The following GPR39 variants were observed in gnomAD, a reference collection of about 807,000 sequenced individuals.
GPR39 encodes zinc sensing receptor.
A neutral mutation model predicts 18.4 loss-of-function variants in GPR39; 23 were observed. That is an observed-to-expected ratio of 1.25 (90% confidence interval 0.90 to 1.77). The LOEUF is 1.77. GPR39 is among the 40% of genes most tolerant of loss of function. GPR39 has a pLI of 0.00. For synonymous variants in GPR39, 280 were observed against 257.9 expected (o/e 1.09, Z -0.82); for missense variants, 647 against 602.4 (o/e 1.07, Z -0.78).
intron 1 of GPR39, among the ~76,000 whole-genome samples, chr2:132,629,396 G>C (rs952939695): frequency 1.3e-5 from 2 of 152,224 alleles, no homozygotes; most frequent in Non-Finnish European, 2.9e-5. Context: ...GCATGACTGA[G>C]AACTTTCCAT....
intron 1 of GPR39, among the ~76,000 whole-genome samples, chr2:132,632,098 G>A (rs1169481484): frequency 2.0e-5 from 3 of 152,126 alleles, no homozygotes; most frequent in Non-Finnish European, 4.4e-5. Context: ...GATTATAGGT[G>A]TGAGTCACTG....
intron 1 of GPR39, among the ~76,000 whole-genome samples, chr2:132,631,578 CT>C (rs1244776251): frequency 2.0e-5 from 3 of 152,220 alleles, no homozygotes; most frequent in East Asian, 1.9e-4. Context: ...GTGCACCTCT[CT>C]TAGTATCTCT....
chr2:132,635,374 G>C (rs765699785), intron 1 of GPR39, among the ~76,000 whole-genome samples: 4 of 152,220 alleles, frequency 2.6e-5, no homozygotes, highest in Non-Finnish European at 5.9e-5. Flanking sequence ...GCAGTGTTAT[G>C]ATGATGTGAG....
intron 1 of GPR39, among the ~76,000 whole-genome samples, chr2:132,610,777 CAAAAAAAAAAAAAA>C: frequency 2.3e-5 from 2 of 88,714 alleles, no homozygotes; most frequent in South Asian, 8.3e-4. Flanking sequence ...ACTCTGTCTC[CAAAAAAAAAAAAAA>C]AAAAAAAGAA....
chr2:132,612,654 T>G (rs1457601190), intron 1 of GPR39, among the ~76,000 whole-genome samples: 1 of 152,238 alleles, frequency 6.6e-6, no homozygotes. Flanking sequence ...TGACCTTATA[T>G]GTACAGATAT....
intron 1 of GPR39, among the ~76,000 whole-genome samples, chr2:132,545,034 T>A (rs773474418): frequency 5.9e-5 from 9 of 152,236 alleles, no homozygotes; most frequent in Non-Finnish European, 1.2e-4. Flanking sequence ...AAGAGGTTCT[T>A]AATCAGGTCT....
chr2:132,565,220 C>T (rs1350683338), intron 1 of GPR39, among the ~76,000 whole-genome samples: 1 of 151,874 alleles, frequency 6.6e-6, no homozygotes, highest in East Asian at 1.9e-4. Context: ...CTATGTGATT[C>T]CAGTATTTAG....
intron 1 of GPR39, among the ~76,000 whole-genome samples, chr2:132,465,243 A>T (rs976452585): frequency 6.6e-6 from 1 of 152,040 alleles, no homozygotes; most frequent in Admixed American, 6.6e-5. Context: ...AGTCGCCTGG[A>T]CAAATCTGTA....
At chr2:132,521,741 A>G in intron 1 of GPR39, among the ~76,000 whole-genome samples, 1 of 152,094 alleles carries the variant, frequency 6.6e-6, no homozygotes, top group Admixed American at 6.5e-5. Context: ...ATGACACTGG[A>G]TACTGATTAG....
rs149266904 is a variant in GPR39 at position 132,592,142 on chromosome 2, G to T, written c.857-52959G>T. Among the ~76,000 whole-genome samples the T allele has an allele frequency of 5.1e-3, 775 of 152,308 alleles. 4 individuals are homozygous for T. The highest frequency in any genetic ancestry group is 0.017 in the African/African-American group (715 of 41,562). On this transcript the variant is annotated intron_variant, in intron 1 of 1. Transcript: ENST00000329321. ...AATCCCTGTCATCATGGAGTTTATTGTCAGTTGGTGGAGGAAGGATAAGAA... is the reference window on the plus strand; with the variant it reads ...AATCCCTGTCATCATGGAGTTTATTTTCAGTTGGTGGAGGAAGGATAAGAA...
intron 1 of GPR39, among the ~76,000 whole-genome samples, chr2:132,485,124 T>G (rs1050572700): frequency 6.6e-6 from 1 of 152,238 alleles, no homozygotes; most frequent in African/African-American, 2.4e-5. Flanking sequence ...ATGTTGAAAT[T>G]AAACAAGTCG....
chr2:132,441,518 C>G (rs1285602881), intron 1 of GPR39, among the ~76,000 whole-genome samples: 1 of 152,070 alleles, frequency 6.6e-6, no homozygotes, highest in Non-Finnish European at 1.5e-5. Context: ...ACTTAACAAA[C>G]CAGCAAAATG....
intron 1 of GPR39, among the ~76,000 whole-genome samples, chr2:132,627,938 A>C (rs890180198): frequency 6.6e-6 from 1 of 152,174 alleles, no homozygotes; most frequent in Non-Finnish European, 1.5e-5. Flanking sequence ...TCTGTGATTA[A>C]GTGAGGGCAG....
intron 1 of GPR39, among the ~76,000 whole-genome samples, chr2:132,463,137 T>TA: frequency 6.6e-6 from 1 of 152,276 alleles, no homozygotes; most frequent in South Asian, 2.1e-4. Context: ...ACAAGCACCT[T>TA]AGGAGCTGGG....
intron 1 of GPR39, among the ~76,000 whole-genome samples, chr2:132,449,439 G>T (rs1237001740): frequency 6.6e-6 from 1 of 152,052 alleles, no homozygotes; most frequent in Non-Finnish European, 1.5e-5. Context: ...TAGAGACAGG[G>T]TTTCACCGTG....
At chr2:132,518,056 G>A (rs1037921225) in intron 1 of GPR39, among the ~76,000 whole-genome samples, 1 of 152,144 alleles carries the variant, frequency 6.6e-6, no homozygotes, top group Admixed American at 6.5e-5. Flanking sequence ...ATAACAATCT[G>A]TAATTTCCTG....
chr2:132,483,699 ACAAAATCTC>A (rs1313088637), intron 1 of GPR39, among the ~76,000 whole-genome samples: 1 of 152,204 alleles, frequency 6.6e-6, no homozygotes, highest in Admixed American at 6.5e-5. Flanking sequence ...ATGGGACATC[ACAAAATCTC>A]CAAAATGCAT....
chr2:132,448,660 T>C (rs1680580682), intron 1 of GPR39, among the ~76,000 whole-genome samples: 1 of 152,234 alleles, frequency 6.6e-6, no homozygotes, highest in Admixed American at 6.5e-5. Flanking sequence ...TATGAGATGT[T>C]TACTAATGCA....
At chr2:132,452,011 G>A (rs947197954) in intron 1 of GPR39, among the ~76,000 whole-genome samples, 2 of 152,054 alleles carry the variant, frequency 1.3e-5, no homozygotes, top group African/African-American at 4.8e-5. Context: ...GTTCAAATAT[G>A]GTTCATTTCT....
Sources: allele counts gnomAD v4.1 joint callset (sites outside exome capture counted in the v4.1 genomes callset), GRCh38; gene constraint gnomAD v4.1.1; transcripts MANE v1.5; gene names NCBI Gene and HGNC (gene_info 2026-07-23, HGNC 2026-07-21).